HAT1: variants seen among roughly 807,000 people sequenced by gnomAD.
HAT1 encodes the protein histone acetyltransferase 1, also known as histone acetyltransferase type B catalytic subunit.
Under a neutral mutation model 56.6 loss-of-function variants are expected in HAT1, and 20 were observed. That is an observed-to-expected ratio of 0.35 (90% CI 0.25 to 0.51). The LOEUF is 0.51. HAT1 is among the 20% of genes least tolerant of loss of function. HAT1 has a pLI of 0.95. For missense variants in HAT1, 408 were observed against 504.3 expected (o/e 0.81, Z 1.83); for synonymous variants, 146 against 165.5 (o/e 0.88, Z 0.91).
chr2:171,959,912 A>G (rs1380898643), intron 4 of HAT1, among the ~76,000 whole-genome samples: 3 of 152,230 alleles, frequency 2.0e-5, no homozygotes, highest in Non-Finnish European at 4.4e-5. Context: ...CTAAGATACA[A>G]AGGCTCTAAA....
intron 2 of HAT1, among the ~76,000 whole-genome samples, chr2:171,933,482 C>T (rs917960895): frequency 5.9e-5 from 9 of 151,328 alleles, no homozygotes; most frequent in Admixed American, 5.3e-4. Context: ...GAGCCAAGAT[C>T]GCATCACTGC....
chr2:171,953,077 G>T (rs1687347282), intron 4 of HAT1, 76 bp downstream of exon 4: 2 of 929,148 alleles, frequency 2.2e-6, no homozygotes, highest in Non-Finnish European at 3.2e-6. Context: ...AGGTGCGGTG[G>T]CTCACACCTG....
chr2:171,953,626 T>TAAAAAAAAA (rs587686867), intron 4 of HAT1, among the ~76,000 whole-genome samples: 1,654 of 84,362 alleles, frequency 0.02, 125 homozygotes, highest in East Asian at 0.14. Flanking sequence ...CCCTGTCTCT[T>TAAAAAAAAA]AAAAAAAAAA....
At chr2:171,952,754 A>AT (rs374046443) in intron 3 of HAT1, 127 bp from the exon 4 acceptor site, 1,002 of 492,254 alleles carry the variant, frequency 2.0e-3, no homozygotes, top group South Asian at 3.3e-3. Context: ...TTTATTGTAG[A>AT]TTTTTTTTTT....
intron 1 of HAT1, chr2:171,924,933 T>C (rs1162804018): frequency 6.6e-6 from 1 of 152,200 alleles, no homozygotes; most frequent in Admixed American, 6.6e-5. Context: ...AGCAGGTAAT[T>C]TGTATTAGTA....
chr2:171,928,495 T>A (rs9784123), intron 2 of HAT1, among the ~76,000 whole-genome samples: 42,742 of 151,924 alleles, frequency 0.28, 6,173 homozygotes, highest in Non-Finnish European at 0.31. Flanking sequence ...GTACCAGTAG[T>A]TCATTCCCCA....
intron 2 of HAT1, among the ~76,000 whole-genome samples, chr2:171,932,220 A>G (rs1331457147): frequency 1.3e-5 from 2 of 152,088 alleles, no homozygotes; most frequent in African/African-American, 4.8e-5. Flanking sequence ...CTCTTTGTTC[A>G]TGACAGGTAA....
At chr2:171,932,073 A>G (rs952142921) in intron 2 of HAT1, among the ~76,000 whole-genome samples, 1 of 152,218 alleles carries the variant, frequency 6.6e-6, no homozygotes, top group African/African-American at 2.4e-5. Flanking sequence ...CAAGATAATC[A>G]TAAGATTTTT....
chr2:171,966,837 CT>C lies in HAT1; in HGVS notation c.717-5del. ...TTTTAATTTTAAAATAATTTCTTTA[CT>C]GTAGTCAGATGCTGATTTTGACTCC... is the stretch of plus-strand genomic sequence containing the variant. On this transcript the variant is annotated splice_polypyrimidine_tract_variant and splice_region_variant and intron_variant, in intron 7 of 10. Coordinates refer to ENST00000264108, the MANE Select transcript of HAT1 (RefSeq NM_003642.4). 7.3e-7 allele frequency: 1 copy of C among 1,378,946 alleles called. No homozygotes were observed. The highest frequency in any genetic ancestry group is 1.0e-6 in the Non-Finnish European group (1 of 971,728). The allele number at this position is 1,378,946 out of a possible 1,614,324, so 85.4% of individuals were successfully genotyped here.
chr2:171,922,776 A>C (rs1304096992), intron 1 of HAT1: 3 of 390,924 alleles, frequency 7.7e-6, no homozygotes, highest in African/African-American at 2.1e-5. Flanking sequence ...GAAAAGCGTC[A>C]TGATTTGGGC....
chr2:171,941,166 G>A (rs899897065), intron 2 of HAT1, among the ~76,000 whole-genome samples: 2 of 152,028 alleles, frequency 1.3e-5, no homozygotes. Flanking sequence ...CAGCTTAGTT[G>A]TCACTTGCCA....
In HAT1 at chr2:171,952,864, T is replaced by C; in HGVS notation, c.189-17T>C. The C allele has an allele frequency of 1.3e-6, 2 of 1,566,308 alleles. No homozygotes were observed. The highest frequency in any genetic ancestry group is 2.4e-5 in the South Asian group (2 of 84,408). Reference sequence around the variant, plus strand: ...CTGCAAAAATTCATTCCATTATTGCTATTTTTTCCATTTCAGTGAAACTGC... The same window carrying C: ...CTGCAAAAATTCATTCCATTATTGCCATTTTTTCCATTTCAGTGAAACTGC... On this transcript the variant is annotated splice_polypyrimidine_tract_variant and intron_variant, in intron 3 of 10. Transcript: ENST00000264108.
chr2:171,939,166 G>A (rs1224051727), intron 2 of HAT1, among the ~76,000 whole-genome samples: 1 of 152,144 alleles, frequency 6.6e-6, no homozygotes, highest in Non-Finnish European at 1.5e-5. Context: ...TCCCAGTTCA[G>A]GGTTCTTTTG....
chr2:171,967,109 C>G (rs1047041938), intron 8 of HAT1, among the ~76,000 whole-genome samples, 160 bp downstream of exon 8: 4 of 151,922 alleles, frequency 2.6e-5, no homozygotes, highest in South Asian at 2.1e-4. Flanking sequence ...AGAGCATAAG[C>G]CTTTGTGGGG....
intron 1 of HAT1, chr2:171,924,517 T>G (rs1686530896): frequency 6.6e-6 from 1 of 152,100 alleles, no homozygotes; most frequent in Admixed American, 6.6e-5. Flanking sequence ...ATATGCCCAT[T>G]TTGTCAGGAG....
chr2:171,958,196 G>C (rs1018219272), intron 4 of HAT1, among the ~76,000 whole-genome samples: 1 of 151,998 alleles, frequency 6.6e-6, no homozygotes, highest in Non-Finnish European at 1.5e-5. Context: ...AATCAGTATT[G>C]TACTAGGAGA....
intron 4 of HAT1, 34 bp from the exon 5 acceptor site, chr2:171,965,302 ATT>A (rs767161654): frequency 1.6e-6 from 2 of 1,279,638 alleles, no homozygotes; most frequent in East Asian, 4.8e-5. Context: ...TTAAAGTCGA[ATT>A]TGTTATTAAT....
intron 10 of HAT1, chr2:171,979,613 G>A (rs780969446): frequency 9.1e-5 from 27 of 297,894 alleles, no homozygotes; most frequent in Non-Finnish European, 1.6e-4. Flanking sequence ...TTCAAGACCA[G>A]CCTGGCCAAC....
intron 2 of HAT1, among the ~76,000 whole-genome samples, chr2:171,931,174 T>G (rs1574034113): frequency 6.6e-6 from 1 of 150,552 alleles, no homozygotes; most frequent in African/African-American, 2.5e-5. Context: ...GCAGATTGCT[T>G]GAGCCCAGGA....
Sources: allele counts gnomAD v4.1 joint callset (sites outside exome capture counted in the v4.1 genomes callset), GRCh38; gene constraint gnomAD v4.1.1; transcripts MANE v1.5; gene names NCBI Gene and HGNC (gene_info 2026-07-23, HGNC 2026-07-21).